The following AFG2B variants were observed in gnomAD, a reference collection of about 807,000 sequenced individuals.
AFG2B encodes AAA ATPase AFG2B.
the AFG2B span, chr15:45,403,143 C>A: frequency 0.028 from 40,617 of 1,460,768 alleles, 8,215 homozygotes; most frequent in African/African-American, 0.48. Flanking sequence ...GCGGGGTGCT[C>A]CTGGCGGGGC....
chr15:45,409,994 A>G, the AFG2B span, among the ~76,000 whole-genome samples: 1 of 152,224 alleles, frequency 6.6e-6, no homozygotes, highest in Non-Finnish European at 1.5e-5. Flanking sequence ...TCAGTAGTGT[A>G]TTATGGAATT....
At chr15:45,419,349 C>T in the AFG2B span, among the ~76,000 whole-genome samples, 67 of 151,972 alleles carry the variant, frequency 4.4e-4, no homozygotes, top group African/African-American at 1.5e-3. Context: ...GTAGTCCCAG[C>T]TACTTGGGAG....
At chr15:45,418,643 T>G in the AFG2B span, 3 of 1,613,524 alleles carry the variant, frequency 1.9e-6, no homozygotes, top group Non-Finnish European at 2.5e-6. Context: ...CAGAAACCTG[T>G]TTTTTTTCTG....
chr15:45,417,021 G>C, the AFG2B span: 7 of 329,602 alleles, frequency 2.1e-5, no homozygotes, highest in Non-Finnish European at 3.4e-5. Context: ...GCTTTTCATA[G>C]GTTCTCATAT....
the AFG2B span, chr15:45,405,383 A>T: frequency 6.2e-7 from 1 of 1,614,214 alleles, no homozygotes; most frequent in Non-Finnish European, 8.5e-7. Context: ...TACCTCGAAG[A>T]TGCCCATCTC....
At chr15:45,418,786 G>C in the AFG2B span, 1 of 1,427,474 alleles carries the variant, frequency 7.0e-7, no homozygotes, top group Non-Finnish European at 9.5e-7. Context: ...GGTACCATGT[G>C]ATGTGAAACA....
the AFG2B span, chr15:45,418,499 C>T: frequency 6.7e-7 from 1 of 1,493,120 alleles, no homozygotes; most frequent in Admixed American, 2.2e-5. Context: ...TTTAATAAAT[C>T]ATTGTGTCAA....
At chr15:45,405,914 C>A in the AFG2B span, among the ~76,000 whole-genome samples, 1 of 152,132 alleles carries the variant, frequency 6.6e-6, no homozygotes, top group East Asian at 1.9e-4. Context: ...GTAACATTTG[C>A]CACATTTGCT....
chr15:45,413,334 C>G, the AFG2B span, among the ~76,000 whole-genome samples: 41 of 152,238 alleles, frequency 2.7e-4, no homozygotes, highest in African/African-American at 8.4e-4. Context: ...TTCTTCTGAT[C>G]ATCAGAACTA....
the AFG2B span, among the ~76,000 whole-genome samples, chr15:45,420,184 A>G: frequency 6.6e-6 from 1 of 152,292 alleles, no homozygotes; most frequent in South Asian, 2.1e-4. Context: ...CATAGTTTAT[A>G]ATATTCTAGT....
the AFG2B span, chr15:45,403,333 C>G: frequency 6.2e-7 from 1 of 1,605,124 alleles, no homozygotes; most frequent in Non-Finnish European, 8.5e-7. Flanking sequence ...CCTCCTCTTC[C>G]TGGACGAGAT....
chr15:45,404,879 A>AC, the AFG2B span, among the ~76,000 whole-genome samples: 82 of 151,664 alleles, frequency 5.4e-4, 1 homozygote, highest in East Asian at 2.1e-3. Flanking sequence ...TTTTGGAAGT[A>AC]ATTCTTTTTT....
the AFG2B span, chr15:45,405,522 T>G: frequency 6.2e-7 from 1 of 1,606,842 alleles, no homozygotes; most frequent in Non-Finnish European, 8.5e-7. Context: ...AGTGTTAATT[T>G]ATGAACATCT....
chr15:45,417,661 A>G, the AFG2B span: 1 of 339,074 alleles, frequency 2.9e-6, no homozygotes. Context: ...TTTTGCAACT[A>G]GAGTGGAGGA....
the AFG2B span, chr15:45,414,435 C>T: frequency 1.4e-6 from 1 of 729,468 alleles, no homozygotes; most frequent in Non-Finnish European, 2.3e-6. Flanking sequence ...GATAAGATCT[C>T]TGCAGTGTGG....
chr15:45,419,026 C>T, the AFG2B span, among the ~76,000 whole-genome samples: 1 of 151,912 alleles, frequency 6.6e-6, no homozygotes, highest in African/African-American at 2.4e-5. Flanking sequence ...AAGGACAAAT[C>T]GGGAGTTAGC....
chr15:45,417,461 G>C, the AFG2B span: 1 of 1,568,014 alleles, frequency 6.4e-7, no homozygotes, highest in East Asian at 2.3e-5. Flanking sequence ...CTTGGATATA[G>C]GTGTCCATGG....
the AFG2B span, among the ~76,000 whole-genome samples, chr15:45,406,836 C>T: frequency 3.3e-5 from 5 of 152,148 alleles, no homozygotes; most frequent in African/African-American, 7.2e-5. Flanking sequence ...ACAGTTACAC[C>T]GAAGGTGGGG....
the AFG2B span, among the ~76,000 whole-genome samples, chr15:45,411,310 C>T: frequency 1.3e-5 from 2 of 152,116 alleles, no homozygotes; most frequent in Admixed American, 1.3e-4. Context: ...TAAGACTCCC[C>T]ATCTCTATTT....
Sources: allele counts gnomAD v4.1 joint callset (sites outside exome capture counted in the v4.1 genomes callset), GRCh38; gene constraint gnomAD v4.1.1; transcripts MANE v1.5; gene names NCBI Gene and HGNC (gene_info 2026-07-23, HGNC 2026-07-21).